The following FGF14 variants were observed in gnomAD, a reference collection of about 807,000 sequenced individuals.
FGF14 encodes fibroblast growth factor homologous factor 4.
Under a neutral mutation model 25.5 loss-of-function variants are expected in FGF14, and 5 were observed. The ratio of observed to expected loss-of-function variants is 0.20; its 90% CI spans 0.10 to 0.41. The LOEUF (loss-of-function observed/expected upper bound fraction) is 0.41, where lower values mean the gene tolerates loss of function less well. FGF14 is among the 10% of genes least tolerant of loss of function. FGF14 has a pLI of 1.00. For synonymous variants in FGF14, 138 were observed against 118.3 expected (o/e 1.17, Z -1.08); for missense variants, 222 against 320.1 (o/e 0.69, Z 2.34).
intron 3 of FGF14, among the ~76,000 whole-genome samples, chr13:101,762,242 T>A (rs567039633): frequency 5.3e-5 from 8 of 152,322 alleles, no homozygotes; most frequent in African/African-American, 1.9e-4. Flanking sequence ...CAGTAAATCT[T>A]GCCTGGCAAT....
At chr13:101,860,810 A>C (rs1012368752) in intron 3 of FGF14, among the ~76,000 whole-genome samples, 3 of 152,110 alleles carry the variant, frequency 2.0e-5, no homozygotes, top group Non-Finnish European at 4.4e-5. Context: ...TTTTGTTAAT[A>C]TCTGAGATCA....
chr13:102,165,650 T>C (rs9518643), intron 1 of FGF14, among the ~76,000 whole-genome samples: 112,841 of 116,158 alleles, frequency 0.97, 54,932 homozygotes, highest in Middle Eastern at 1. Context: ...GAACATCACA[T>C]ACTGGGGCCT....
chr13:101,976,127 GTTCA>G (rs902992406), intron 1 of FGF14, among the ~76,000 whole-genome samples: 2 of 143,034 alleles, frequency 1.4e-5, no homozygotes, highest in Admixed American at 7.2e-5. Flanking sequence ...TTTTTTTTTA[GTTCA>G]TTAATGTGTT....
At chr13:101,726,017 A>G (rs1044966907) in intron 4 of FGF14, among the ~76,000 whole-genome samples, 2 of 151,980 alleles carry the variant, frequency 1.3e-5, no homozygotes, top group African/African-American at 4.8e-5. Context: ...GAATGTGGAT[A>G]AATTATTTTA....
Position 102,073,871 on chromosome 13 carries a change from A to C in FGF14, c.209-198575T>G, listed in dbSNP as rs1412292769. On this transcript the variant is annotated intron_variant, in intron 1 of 4. Transcript: ENST00000376131. The stretch of plus-strand genomic sequence containing the variant: ...GATGGGGGATTCCCTGGAGCTAAGG[A>C]AAGATCTTGATGACAGCTTTTTCCA... 7.9e-5 allele frequency among the ~76,000 whole-genome samples: 12 copies of C among 152,342 alleles called. No homozygotes were observed. In the East Asian group the frequency reaches 2.1e-3, roughly 27 times the overall value.
At chr13:101,906,541 A>G (rs1312264359) in intron 1 of FGF14, among the ~76,000 whole-genome samples, 2 of 152,150 alleles carry the variant, frequency 1.3e-5, no homozygotes, top group African/African-American at 4.8e-5. Flanking sequence ...GAATTGTTGG[A>G]TTCTGAAGAA....
intron 1 of FGF14, among the ~76,000 whole-genome samples, chr13:102,376,229 CTGACGGTTTATACA>C (rs2058037186): frequency 1.3e-5 from 2 of 152,156 alleles, no homozygotes; most frequent in Non-Finnish European, 2.9e-5. Context: ...CTCACGAGAT[CTGACGGTTTATACA>C]TGGCAGTTTC....
intron 1 of FGF14, among the ~76,000 whole-genome samples, chr13:102,238,453 C>T (rs2051431322): frequency 6.6e-6 from 1 of 152,206 alleles, no homozygotes; most frequent in African/African-American, 2.4e-5. Flanking sequence ...CATCAGCATG[C>T]TTGACACTGT....
intron 1 of FGF14, among the ~76,000 whole-genome samples, chr13:101,985,636 AAAG>A (rs1304262605): frequency 2.6e-5 from 4 of 152,132 alleles, no homozygotes; most frequent in African/African-American, 9.7e-5. Context: ...CGGTTGTAAT[AAAG>A]AAACCTGAAA....
intron 1 of FGF14, among the ~76,000 whole-genome samples, chr13:101,934,025 C>T (rs1417318376): frequency 6.6e-6 from 1 of 152,106 alleles, no homozygotes; most frequent in African/African-American, 2.4e-5. Flanking sequence ...ATAAAACTAT[C>T]AACTCTTGTA....
At chr13:101,898,685 A>G (rs9585805) in intron 1 of FGF14, among the ~76,000 whole-genome samples, 46,530 of 151,886 alleles carry the variant, frequency 0.31, 7,565 homozygotes, top group East Asian at 0.46. Context: ...CAGTTTCTCT[A>G]AGAATTATGA....
chr13:102,029,754 A>T (rs2041117645), intron 1 of FGF14, among the ~76,000 whole-genome samples: 1 of 152,170 alleles, frequency 6.6e-6, no homozygotes, highest in Admixed American at 6.6e-5. Context: ...TACAGAATGC[A>T]GTCCAAAATG....
At chr13:102,027,835 C>A (rs2041009625) in intron 1 of FGF14, among the ~76,000 whole-genome samples, 1 of 151,982 alleles carries the variant, frequency 6.6e-6, no homozygotes, top group South Asian at 2.1e-4. Context: ...TCTAGGCTAA[C>A]CTGCAGGTGT....
At chr13:102,344,746 G>T (rs1177759444) in intron 1 of FGF14, among the ~76,000 whole-genome samples, 1 of 152,218 alleles carries the variant, frequency 6.6e-6, no homozygotes, top group Admixed American at 6.5e-5. Flanking sequence ...TTCAAAGAAG[G>T]TTTCCTGGAG....
chr13:101,843,684 T>C (rs2043304534), intron 3 of FGF14, among the ~76,000 whole-genome samples: 1 of 151,916 alleles, frequency 6.6e-6, no homozygotes. Context: ...TAGGAAGAAA[T>C]AATAACTACA....
At chr13:102,204,099 T>C (rs1467702643) in intron 1 of FGF14, among the ~76,000 whole-genome samples, 1 of 152,140 alleles carries the variant, frequency 6.6e-6, no homozygotes, top group African/African-American at 2.4e-5. Flanking sequence ...ATGGCAACAA[T>C]ATCCAAAATT....
At chr13:101,760,993 C>A (rs2037993696) in intron 3 of FGF14, among the ~76,000 whole-genome samples, 2 of 152,062 alleles carry the variant, frequency 1.3e-5, no homozygotes, top group African/African-American at 4.8e-5. Flanking sequence ...ACCTAAATAC[C>A]CTATTAAAAA....
At chr13:102,227,711 C>T (rs141943907) in intron 1 of FGF14, among the ~76,000 whole-genome samples, 7 of 152,056 alleles carry the variant, frequency 4.6e-5, no homozygotes, top group East Asian at 3.9e-4. Flanking sequence ...CTTCTTGCCA[C>T]GTAGAATAAT....
At chr13:101,851,648 C>T (rs1382459584) in intron 3 of FGF14, among the ~76,000 whole-genome samples, 1 of 152,072 alleles carries the variant, frequency 6.6e-6, no homozygotes, top group African/African-American at 2.4e-5. Flanking sequence ...CTTCTCATCC[C>T]CTTTCCTAGC....
Sources: allele counts gnomAD v4.1 joint callset (sites outside exome capture counted in the v4.1 genomes callset), GRCh38; gene constraint gnomAD v4.1.1; transcripts MANE v1.5; gene names NCBI Gene and HGNC (gene_info 2026-07-23, HGNC 2026-07-21).